EXOC4: variants seen among roughly 807,000 people sequenced by gnomAD.
EXOC4 encodes exocyst complex component 4, also known as SEC8-like 1.
Under a neutral mutation model 107.2 loss-of-function variants are expected in EXOC4, and 71 were observed. That is an observed-to-expected ratio of 0.66 (90% confidence interval 0.55 to 0.81). The LOEUF (loss-of-function observed/expected upper bound fraction) is 0.81. EXOC4 is among the 30% of genes least tolerant of loss of function. The pLI is 0.00. For synonymous variants in EXOC4, 456 were observed against 441.2 expected (o/e 1.03, Z -0.42); for missense variants, 1,108 against 1,189.6 (o/e 0.93, Z 1.01).
At chr7:133,489,700 T>G (rs958824118) in intron 9 of EXOC4, among the ~76,000 whole-genome samples, 1 of 152,184 alleles carries the variant, frequency 6.6e-6, no homozygotes, top group Non-Finnish European at 1.5e-5. Context: ...TATAGGTTTA[T>G]TGTATGTTTA....
At chr7:133,668,397 A>G (rs1272457574) in intron 10 of EXOC4, among the ~76,000 whole-genome samples, 1 of 152,140 alleles carries the variant, frequency 6.6e-6, no homozygotes, top group East Asian at 1.9e-4. Context: ...TGGTAACAAT[A>G]TAGTTTTTTT....
chr7:133,847,434 A>G (rs1798151064), intron 11 of EXOC4, among the ~76,000 whole-genome samples: 1 of 149,538 alleles, frequency 6.7e-6, no homozygotes, highest in African/African-American at 2.5e-5. Context: ...ACTGGAGTGC[A>G]GTGGCGCGGT....
chr7:134,039,600 A>C (rs950657589), intron 17 of EXOC4, among the ~76,000 whole-genome samples: 5 of 152,140 alleles, frequency 3.3e-5, no homozygotes, highest in Admixed American at 2.0e-4. Context: ...ATAGTCCTCC[A>C]TTCAGAGCTG....
intron 9 of EXOC4, among the ~76,000 whole-genome samples, chr7:133,502,040 G>T (rs995478992): frequency 6.6e-6 from 1 of 152,110 alleles, no homozygotes; most frequent in African/African-American, 2.4e-5. Context: ...TAGCAATGGA[G>T]CAGGGCCGCA....
chr7:133,498,333 C>A (rs1332770715), intron 9 of EXOC4, among the ~76,000 whole-genome samples: 1 of 152,166 alleles, frequency 6.6e-6, no homozygotes, highest in African/African-American at 2.4e-5. Flanking sequence ...CGCCTGTAAT[C>A]CCAGCACTTT....
intron 3 of EXOC4, among the ~76,000 whole-genome samples, chr7:133,296,091 G>A (rs1017392578): frequency 2.0e-5 from 3 of 152,096 alleles, no homozygotes; most frequent in South Asian, 4.1e-4. Flanking sequence ...GAAAGACTGA[G>A]GCCAATATTC....
chr7:133,932,677 T>A lies in EXOC4; in HGVS notation c.2028-5214T>A, dbSNP rs1800206935. Among the ~76,000 whole-genome samples the A allele has an allele frequency of 2.0e-5, 3 of 152,238 alleles. No homozygotes were observed. In the South Asian group the frequency reaches 6.2e-4, roughly 31 times the overall value. ...TTTCCCAAGAAGAAAGACATTCTCT[T>A]ATGTACCCATATCATTACCATATGT... On this transcript the variant is annotated intron_variant, in intron 13 of 17. Transcript: ENST00000253861.
intron 7 of EXOC4, among the ~76,000 whole-genome samples, chr7:133,386,274 T>C (rs1331409445): frequency 6.6e-6 from 1 of 152,238 alleles, no homozygotes; most frequent in Non-Finnish European, 1.5e-5. Context: ...ATGTTCTGAA[T>C]ATTTTGCTAA....
chr7:133,644,159 G>C (rs974393644), intron 10 of EXOC4, among the ~76,000 whole-genome samples: 4 of 152,156 alleles, frequency 2.6e-5, no homozygotes, highest in Non-Finnish European at 4.4e-5. Flanking sequence ...GAAGTTTTCT[G>C]CTTATATAAA....
In EXOC4 at chr7:133,707,252, T is replaced by C. The variant is rs1407076692; in HGVS notation, c.1514+77111T>C. 3.3e-5 allele frequency among the ~76,000 whole-genome samples: 5 copies of C among 152,304 alleles called. No individual in the cohort carries two copies. In the East Asian group the frequency reaches 9.6e-4, roughly 29 times the overall value. ...AAGAAAATGACAGAAAATGTGGTGGTGCATGTCTATAATCCCAGCTACTCT... is the reference window on the plus strand; with the variant it reads ...AAGAAAATGACAGAAAATGTGGTGGCGCATGTCTATAATCCCAGCTACTCT... On this transcript the variant is annotated intron_variant, in intron 10 of 17. Coordinates refer to ENST00000253861, the MANE Select transcript of EXOC4 (RefSeq NM_021807.4).
intron 10 of EXOC4, among the ~76,000 whole-genome samples, chr7:133,812,257 GT>G (rs1797250745): frequency 6.6e-6 from 1 of 152,168 alleles, no homozygotes; most frequent in Non-Finnish European, 1.5e-5. Context: ...TTACTAAGCA[GT>G]TACTGTGTGC....
At chr7:133,257,295 TACAC>T (rs1356964718) in intron 1 of EXOC4, among the ~76,000 whole-genome samples, 1 of 152,024 alleles carries the variant, frequency 6.6e-6, no homozygotes, top group African/African-American at 2.4e-5. Flanking sequence ...TGGACAGTTT[TACAC>T]ACACACAGAC....
rs558834231 is a variant in EXOC4 at position 133,755,752 on chromosome 7, T to C, written c.1515-61573T>C. Among the ~76,000 whole-genome samples the C allele has an allele frequency of 1.6e-3, 248 of 152,282 alleles. 1 individual carries two copies. Among genetic ancestry groups the C allele is most frequent in the African/African-American group, 5.3e-3 (219 of 41,554 alleles). On this transcript the variant is annotated intron_variant, in intron 10 of 17. Coordinates refer to ENST00000253861, the MANE Select transcript of EXOC4 (RefSeq NM_021807.4). ...GCGCATAGGTATAGTACATGTCTCC[T>C]CTCATCCACAGAACTATGTGCTCAA...
Position 133,324,602 on chromosome 7 carries a change from C to T in EXOC4, c.763+7212C>T, listed in dbSNP as rs145791666. 9.5e-3 allele frequency among the ~76,000 whole-genome samples: 1,449 copies of T among 152,278 alleles called. 17 individuals are homozygous for T. The highest frequency in any genetic ancestry group is 0.034 in the African/African-American group (1,393 of 41,558). On this transcript the variant is annotated intron_variant, in intron 5 of 17. Coordinates refer to ENST00000253861, the MANE Select transcript of EXOC4 (RefSeq NM_021807.4). ...GTTTGTTGTGATTTCTGTTCTTTTA[C>T]AATTGCTGAGGAGTGCTTTACTTCC...
At chr7:133,548,088 G>A (rs1800517653) in intron 9 of EXOC4, among the ~76,000 whole-genome samples, 1 of 151,988 alleles carries the variant, frequency 6.6e-6, no homozygotes, top group African/African-American at 2.4e-5. Context: ...CTGTAGAACA[G>A]ATGCTGTATT....
At chr7:133,858,059 C>T (rs1045629259) in intron 11 of EXOC4, among the ~76,000 whole-genome samples, 1 of 152,004 alleles carries the variant, frequency 6.6e-6, no homozygotes, top group African/African-American at 2.4e-5. Flanking sequence ...ACAGAAGCGT[C>T]ACCAGTGTTC....
chr7:133,396,225 C>T (rs1796968301), intron 7 of EXOC4: 1 of 152,194 alleles, frequency 6.6e-6, no homozygotes, highest in African/African-American at 2.4e-5. Context: ...TGGAATTAGA[C>T]ACAGACTGTA....
rs1477790160 is a variant in EXOC4, at chr7:133,584,578, T to TG, written c.1418-45467_1418-45466insG. On this transcript the variant is annotated intron_variant, in intron 9 of 17. Transcript: ENST00000253861. The stretch of plus-strand genomic sequence containing the variant: ...CTTTGTTTTTTACGTATTTCAGTTT[T>TG]TTTTTTGTTTTTTTTTTTGAGACAG... Among the ~76,000 whole-genome samples the TG allele has an allele frequency of 6.7e-5, 9 of 134,312 alleles. No individual in the cohort carries two copies. The East Asian group carries it at 1.9e-3, about 29-fold the overall frequency. 88.1% of individuals were successfully genotyped at this position (134,312 alleles called of 152,430 possible). A position where few individuals can be genotyped will look rare whatever the true frequency, so the allele number is the denominator to read the frequency against.
intron 11 of EXOC4, among the ~76,000 whole-genome samples, chr7:133,823,841 TATTA>T (rs1363790331): frequency 5.7e-4 from 5 of 8,846 alleles, no homozygotes; most frequent in East Asian, 4.2e-3. Context: ...TATATATATA[TATTA>T]TATATATATA....
Sources: gnomAD v4.1 joint callset for allele counts (sites outside exome capture counted in the v4.1 genomes callset) on GRCh38, gnomAD v4.1.1 for gene constraint, MANE v1.5 for transcripts, NCBI Gene and HGNC (gene_info 2026-07-23, HGNC 2026-07-21) for gene names.